SPTAN1: variants seen among roughly 807,000 people sequenced by gnomAD.
SPTAN1 encodes spectrin alpha chain, non-erythrocytic 1.
Under a neutral mutation model 331.3 loss-of-function variants are expected in SPTAN1, and 61 were observed. That is an observed-to-expected ratio of 0.18 (90% CI 0.15 to 0.23). SPTAN1 has a LOEUF of 0.23. Ranked by LOEUF, SPTAN1 falls within the 10% of genes least tolerant of loss-of-function variation. The probability of loss-of-function intolerance (pLI) is 1.00; values close to 1 mark genes in which losing one functional copy is unlikely to be tolerated. For synonymous variants in SPTAN1, 1,153 were observed against 1,173.9 expected (o/e 0.98, Z 0.36); for missense variants, 2,043 against 3,147.9 (o/e 0.65, Z 8.40).
chr9:128,614,429 T>G (rs750280087), intron 40 of SPTAN1, among the ~76,000 whole-genome samples: 24 of 151,432 alleles, frequency 1.6e-4, no homozygotes, highest in Admixed American at 4.6e-4. Context: ...CCGTTTCTAC[T>G]GAAATACAAA....
rs1158347123 is a variant in SPTAN1 at position 128,579,625 on chromosome 9, T to C, written c.1222-12T>C. The stretch of plus-strand genomic sequence containing the variant: ...TGGGCACAAATCATGGCTTTGTTTT[T>C]TTCTCCTGTAGGGTGAAATTGATGC... On this transcript the variant is annotated splice_polypyrimidine_tract_variant and intron_variant, in intron 9 of 56. Coordinates refer to ENST00000372739, the MANE Select transcript of SPTAN1 (RefSeq NM_001130438.3). The C allele has an allele frequency of 3.1e-6, 5 of 1,612,006 alleles. No homozygotes were observed. The highest frequency in any genetic ancestry group is 3.3e-5 in the Admixed American group (2 of 60,010).
chr9:128,612,165 A>G lies in SPTAN1; in HGVS notation c.4962A>G (p.Glu1654=). The G allele has an allele frequency of 6.2e-7, 1 of 1,614,172 alleles. No homozygotes were observed. The highest frequency in any genetic ancestry group is 8.5e-7 in the Non-Finnish European group (1 of 1,180,026). ...AGTTCTTGGTGCAAAAGTCAGCGGA[A>G]AAGAGCCAGAAACTGAAAGAAGCCA... The part of the protein sequence containing the change: ...QWQFLVQKSA[E]KSQKLKEANK... The change falls in exon 39 of 57, where the codon GAA becomes GAG. Residue 1654 remains glutamate, a synonymous_variant. Coordinates refer to ENST00000372739, the MANE Select transcript of SPTAN1 (RefSeq NM_001130438.3).
At chr9:128,555,331 T>C (rs376022494) in intron 1 of SPTAN1, 25 of 1,288,032 alleles carry the variant, frequency 1.9e-5, no homozygotes, top group African/African-American at 1.1e-4. Context: ...TATCTTGCTC[T>C]TCCCCCTCCC....
In SPTAN1 at chr9:128,582,812, A is replaced by G. The variant is rs1034518674; in HGVS notation, c.1769A>G (p.Asn590Ser). The G allele has an allele frequency of 6.2e-7, 1 of 1,613,712 alleles. No homozygotes were observed. Among genetic ancestry groups the G allele is most frequent in the African/African-American group, 1.3e-5 (1 of 75,048 alleles). The change falls in exon 14 of 57, where the codon AAT becomes AGT. Residue 590 changes from asparagine to serine, a missense_variant. Physicochemically the swap from Asn to Ser is conservative, Grantham distance 46 (BLOSUM62 1). This residue lies in a region of SPTAN1 where 1,038 missense variants were observed against 1,531.5 expected (regional missense o/e 0.68). Coordinates refer to ENST00000372739, the MANE Select transcript of SPTAN1 (RefSeq NM_001130438.3). Reference sequence around the variant, plus strand: ...TCTGATGAGCTCAAGAGTTGGGTCAATGAGAAGATGAAAACTGCCACAGAT... The same window carrying G: ...TCTGATGAGCTCAAGAGTTGGGTCAGTGAGAAGATGAAAACTGCCACAGAT... ...RDSDELKSWV[N>S]EKMKTATDEA...
chr9:128,625,275 C>G lies in SPTAN1; in HGVS notation c.6069+96C>G. On this transcript the variant is annotated intron_variant, in intron 47 of 56. Coordinates refer to ENST00000372739, the MANE Select transcript of SPTAN1 (RefSeq NM_001130438.3). The surrounding 1 kb of genome is among the most constrained non-coding windows in gnomAD (Gnocchi z 4.1). The stretch of plus-strand genomic sequence containing the variant: ...CACTGAGGCATTTATCTTCTGTTAG[C>G]CCCTGGGGATCAGCAGGAAAAAGAT... The G allele has an allele frequency of 7.9e-7, 1 of 1,258,184 alleles. No homozygotes were observed. Among genetic ancestry groups the G allele is most frequent in the Non-Finnish European group, 1.2e-6 (1 of 869,184 alleles). 77.9% of individuals were successfully genotyped at this position (1,258,184 alleles called of 1,614,324 possible).
chr9:128,600,809 T>C (rs141121684), intron 27 of SPTAN1, among the ~76,000 whole-genome samples: 4,145 of 151,552 alleles, frequency 0.027, 194 homozygotes, highest in African/African-American at 0.094. Context: ...ACTACAGGCA[T>C]GTGCCACCAT....
rs775227647 is a variant in SPTAN1 at position 128,587,577 on chromosome 9, C to T, written c.2779-29C>T. On this transcript the variant is annotated intron_variant, in intron 19 of 56. Transcript: ENST00000372739. ...AGGATGGGAGGCTTCAGCCCCTGCACAGTGCTCCATGTGTGGTTTTGGTTT... is the reference window on the plus strand; with the variant it reads ...AGGATGGGAGGCTTCAGCCCCTGCATAGTGCTCCATGTGTGGTTTTGGTTT... 1.9e-6 allele frequency: 3 copies of T among 1,603,894 alleles called. No individual in the cohort carries two copies. The African/African-American group carries it at 4.0e-5, about 21-fold the overall frequency.
rs904289291 is a variant in SPTAN1, at chr9:128,629,832, T to C, written c.6708-489T>C. On this transcript the variant is annotated intron_variant, in intron 51 of 56. Transcript: ENST00000372739. The surrounding 1 kb of genome is among the most constrained non-coding windows in gnomAD (Gnocchi z 4.9). ...GTGTCCTTTGTCTGCAGGGTCGTGC[T>C]CTCATTCCCCCTAGAATGGGGCTCC... 5.2e-5 allele frequency: 16 copies of C among 310,090 alleles called. No individual in the cohort carries two copies. The highest frequency in any genetic ancestry group is 9.6e-5 in the Non-Finnish European group (15 of 156,854). 19.2% of individuals were successfully genotyped at this position (310,090 alleles called of 1,614,324 possible). A position where few individuals can be genotyped will look rare whatever the true frequency, so the allele number is the denominator to read the frequency against.
At position 128,626,503 on chromosome 9, in the gene SPTAN1, T is replaced by C; in HGVS notation, c.6392T>C (p.Ile2131Thr). ...GTGCGCTGCAACTCCTTGGAAGAAA[T>C]CAAAGCTTTGCGCGAGGCCCACGAC... is the stretch of plus-strand genomic sequence containing the variant. ...DPVRCNSLEE[I>T]KALREAHDAF... The change falls in exon 49 of 57, where the codon ATC becomes ACC. Residue 2131 changes from isoleucine to threonine, a missense_variant. By Grantham distance (89) the Ile-to-Thr change is moderately conservative. Around this residue, in one of 12 missense-constraint regions of SPTAN1, gnomAD observed 256 missense variants for 376.4 expected, o/e 0.68. Coordinates refer to ENST00000372739, the MANE Select transcript of SPTAN1 (RefSeq NM_001130438.3). 6.2e-7 allele frequency: 1 copy of C among 1,613,960 alleles called. No individual in the cohort carries two copies. The highest frequency in any genetic ancestry group is 8.5e-7 in the Non-Finnish European group (1 of 1,179,992).
chr9:128,584,733 T>C lies in SPTAN1; in HGVS notation c.2450T>C (p.Ile817Thr), dbSNP rs1060503490. 3.1e-6 allele frequency: 5 copies of C among 1,614,070 alleles called. No homozygotes were observed. The highest frequency in any genetic ancestry group is 1.3e-5 in the African/African-American group (1 of 74,904). Residue 817 changes from isoleucine to threonine, a missense_variant, in exon 18 of 57, where the codon ATT becomes ACT. Coordinates refer to ENST00000372739, the MANE Select transcript of SPTAN1 (RefSeq NM_001130438.3). ...TGTCTGCTTTCAGGTAAGGATTTAA[T>C]TGGGGTCCAGAATCTGCTAAAGAAA... ...AASTNRGKDLIGVQNLLKKHQ... is the reference protein window; with the variant it reads ...AASTNRGKDLTGVQNLLKKHQ...
In SPTAN1 at chr9:128,605,413, G is replaced by T. The variant is rs750855679; in HGVS notation, c.3982G>T (p.Ala1328Ser). 5.6e-6 allele frequency: 9 copies of T among 1,614,226 alleles called. No individual in the cohort carries two copies. Among genetic ancestry groups the T allele is most frequent in the Non-Finnish European group, 7.6e-6 (9 of 1,180,048 alleles). The change falls in exon 31 of 57, where the codon GCA (alanine) becomes TCA (serine). Residue 1328 changes from alanine to serine, a missense_variant. Ala to Ser is a moderately conservative substitution (Grantham distance 99). This residue lies in a region of SPTAN1 where 179 missense variants were observed against 215.7 expected (regional missense o/e 0.83). Transcript: ENST00000372739. ...NQAWSSLGKRADQRKAKLGDS... is the reference protein window; with the variant it reads ...NQAWSSLGKRSDQRKAKLGDS... ...GGCCTGGAGCAGCCTGGGGAAACGT[G>T]CAGATCAGCGCAAGGCAAAGTTGGG... is the stretch of plus-strand genomic sequence containing the variant.
chr9:128,584,481 C>T lies in SPTAN1; in HGVS notation c.2393C>T (p.Thr798Met), dbSNP rs749263783. ...TTCCGGGATGTTGAGGATGAGGAGA[C>T]GTGGATTCGAGAGAAAGAGCCCATT... is the stretch of plus-strand genomic sequence containing the variant. ...QLFRDVEDEE[T>M]WIREKEPIAA... is the part of the protein sequence containing the mutation. The change falls in exon 17 of 57, where the codon ACG becomes ATG. Residue 798 changes from threonine to methionine, a missense_variant. By Grantham distance (81) the Thr-to-Met change is moderately conservative. Around this residue, in one of 12 missense-constraint regions of SPTAN1, gnomAD observed 1,038 missense variants for 1,531.5 expected, o/e 0.68. Transcript: ENST00000372739. 12 of 1,613,970 alleles carry T rather than the reference C, an allele frequency of 7.4e-6. No homozygotes were observed. The highest frequency in any genetic ancestry group is 1.3e-5 in the African/African-American group (1 of 74,908).
chr9:128,573,141 A>C (rs1850921481), intron 3 of SPTAN1, among the ~76,000 whole-genome samples: 1 of 152,160 alleles, frequency 6.6e-6, no homozygotes, highest in South Asian at 2.1e-4. Flanking sequence ...TCAGTGTTGT[A>C]CAGAAACTCC....
intron 1 of SPTAN1, among the ~76,000 whole-genome samples, chr9:128,560,632 C>CA (rs1554731113): frequency 6.6e-6 from 1 of 151,706 alleles, no homozygotes; most frequent in Non-Finnish European, 1.5e-5. Context: ...CTGCCCGCCT[C>CA]GCCTCCCAAA....
Position 128,583,253 on chromosome 9 carries a change from G to T in SPTAN1, c.1983G>T (p.Lys661Asn), listed in dbSNP as rs374443036. The T allele has an allele frequency of 1.3e-5, 21 of 1,613,764 alleles. No homozygotes were observed. Among genetic ancestry groups the T allele is most frequent in the African/African-American group, 2.7e-5 (2 of 74,930 alleles). ...TGAATGAGGTGATCAGTTTGTGGAA[G>T]AAACTGCTAGAGGCCACTGAACTGA... ...ARMNEVISLW[K>N]KLLEATELKG... The change falls in exon 15 of 57, where the codon AAG (lysine) becomes AAT (asparagine). Residue 661 changes from lysine (K) to asparagine (N), a missense_variant. Lys to Asn is a moderately conservative substitution (Grantham distance 94, BLOSUM62 0). Transcript: ENST00000372739.
chr9:128,631,148 G>A (rs879356699), intron 52 of SPTAN1, among the ~76,000 whole-genome samples: 2 of 152,076 alleles, frequency 1.3e-5, no homozygotes, highest in African/African-American at 4.8e-5. Context: ...CCCGGCCGAG[G>A]GCTCTTCACT....
chr9:128,624,770 G>A lies in SPTAN1; in HGVS notation c.5992+283G>A. 3.2e-5 allele frequency: 18 copies of A among 565,266 alleles called. No homozygotes were observed. In the South Asian group the frequency reaches 3.6e-4, roughly 11 times the overall value. 35.0% of individuals were successfully genotyped at this position (565,266 alleles called of 1,614,324 possible). ...GTGACGTCATGGCATGAACAAAGTT[G>A]GCACAGCAAAGGCACCACTAGCTGC... is the stretch of plus-strand genomic sequence containing the variant. On this transcript the variant is annotated intron_variant, in intron 46 of 56. Transcript: ENST00000372739.
In SPTAN1 at chr9:128,588,915, T is replaced by C. The variant is rs1215852038; in HGVS notation, c.2978T>C (p.Ile993Thr). The change falls in exon 21 of 57, where the codon ATC (isoleucine) becomes ACC (threonine). Residue 993 changes from isoleucine (I) to threonine (T), a missense_variant. Coordinates refer to ENST00000372739, the MANE Select transcript of SPTAN1 (RefSeq NM_001130438.3). ...PREVTMKKGDILTLLNSTNKD... is the reference protein window; with the variant it reads ...PREVTMKKGDTLTLLNSTNKD... ...GAGGTCACCATGAAGAAGGGAGATA[T>C]CCTTACCTTACTCAACAGCACCAAC... 1.9e-6 allele frequency: 3 copies of C among 1,613,902 alleles called. No homozygotes were observed. Among genetic ancestry groups the C allele is most frequent in the Admixed American group, 1.7e-5 (1 of 59,976 alleles).
At chr9:128,561,990 C>G (rs1431922270) in intron 1 of SPTAN1, among the ~76,000 whole-genome samples, 1 of 152,082 alleles carries the variant, frequency 6.6e-6, no homozygotes, top group Non-Finnish European at 1.5e-5. Flanking sequence ...ACAATAATTT[C>G]ATGGCAGAAT....
Sources: gnomAD v4.1 joint callset for allele counts (sites outside exome capture counted in the v4.1 genomes callset) on GRCh38, gnomAD v4.1.1 for gene constraint, gnomAD v4.1.1 regional missense constraint, Gnocchi (gnomAD v3.1) non-coding constraint, MANE v1.5 for transcripts, NCBI Gene and HGNC (gene_info 2026-07-23, HGNC 2026-07-21) for gene names.